The following PCNX1 variants were observed in gnomAD, a reference collection of about 807,000 sequenced individuals.
The protein encoded by PCNX1 is pecanex-like protein 1.
In PCNX1, 78 loss-of-function variants were observed where a neutral mutation model predicts 242.2. The ratio of observed to expected loss-of-function variants is 0.32; its 90% confidence interval spans 0.27 to 0.39. The LOEUF is 0.39. PCNX1 is among the 10% of genes least tolerant of loss of function. The pLI, the probability that PCNX1 is intolerant of heterozygous loss-of-function variation, is 1.00. For synonymous variants in PCNX1, 1,024 were observed against 1,032.9 expected, an observed-to-expected ratio of 0.99 and a Z score of 0.17; for missense variants, 2,581 against 2,856.5, an observed-to-expected ratio of 0.90 and a Z score of 2.20.
At chr14:70,920,424 G>A (rs1416022370) in intron 1 of PCNX1, among the ~76,000 whole-genome samples, 1 of 152,154 alleles carries the variant, frequency 6.6e-6, no homozygotes, top group Non-Finnish European at 1.5e-5. Flanking sequence ...CTTTGAGGAT[G>A]TATACAATTT....
At chr14:70,962,397 G>A (rs956786485) in intron 3 of PCNX1, 66 bp downstream of exon 3, 55 of 812,304 alleles carry the variant, frequency 6.8e-5, no homozygotes, top group African/African-American at 3.0e-4. Flanking sequence ...CGTTATTCTC[G>A]TGTCTTTAAG....
intron 6 of PCNX1, among the ~76,000 whole-genome samples, chr14:70,980,360 T>C (rs1173310588): frequency 6.6e-6 from 1 of 152,108 alleles, no homozygotes; most frequent in East Asian, 1.9e-4. Context: ...CTTTTGTTTG[T>C]ACTGCTTTTT....
intron 1 of PCNX1, among the ~76,000 whole-genome samples, chr14:70,912,258 AAAAG>A (rs2055949714): frequency 6.6e-6 from 1 of 152,068 alleles, no homozygotes; most frequent in Admixed American, 6.6e-5. Flanking sequence ...AAAAAGAAAA[AAAAG>A]AACGTTAAAA....
chr14:71,017,648 T>C (rs1032850956), intron 11 of PCNX1, among the ~76,000 whole-genome samples: 1 of 152,220 alleles, frequency 6.6e-6, no homozygotes, highest in African/African-American at 2.4e-5. Flanking sequence ...ATTTGATACA[T>C]TGGACTCATC....
At chr14:70,975,622 C>G (rs1370864296) in intron 5 of PCNX1, among the ~76,000 whole-genome samples, 1 of 152,060 alleles carries the variant, frequency 6.6e-6, no homozygotes, top group Non-Finnish European at 1.5e-5. Context: ...GTCTATCCAG[C>G]TATGACAAGA....
At chr14:71,034,610 A>C (rs1378356672) in intron 18 of PCNX1, among the ~76,000 whole-genome samples, 1 of 152,178 alleles carries the variant, frequency 6.6e-6, no homozygotes, top group Non-Finnish European at 1.5e-5. Context: ...TGAAAAATGA[A>C]TTCTGTAAAA....
intron 3 of PCNX1, among the ~76,000 whole-genome samples, chr14:70,962,999 TA>T (rs2058269384): frequency 6.6e-6 from 1 of 152,210 alleles, no homozygotes; most frequent in Non-Finnish European, 1.5e-5. Flanking sequence ...GACCTTTACA[TA>T]ACTATAGGTT....
In PCNX1 at chr14:70,977,393, A is replaced by G. The variant is rs752409682; in HGVS notation, c.1056A>G (p.Pro352=). ...AGDLKINTSQ[P]PTKSGKSKPL... is the part of the protein sequence containing the mutation. ...ACTTGAAAATCAATACTTCTCAGCC[A>G]CCCACAAAAAGTGGGAAGAGCAAAC... Residue 352 remains proline, a synonymous_variant, in exon 6 of 36, where the codon CCA becomes CCG. Transcript: ENST00000304743. 5.0e-6 allele frequency: 8 copies of G among 1,613,962 alleles called. No homozygotes were observed. The highest frequency in any genetic ancestry group is 6.8e-6 in the Non-Finnish European group (8 of 1,180,028).
Position 71,110,111 on chromosome 14 carries a change from A to T in PCNX1, c.*176A>T. On this transcript the variant is annotated 3_prime_UTR_variant, in exon 36 of 36. Transcript: ENST00000304743. ...TTTGCCCTTCACCCTGACTCCTGTC[A>T]CTGTCTCCATCCCCAAATAAAGCTG... 1.5e-6 allele frequency: 1 copy of T among 689,362 alleles called. No individual in the cohort carries two copies. The highest frequency in any genetic ancestry group is 2.6e-6 in the Non-Finnish European group (1 of 379,594). The allele number at this position is 689,362 out of a possible 1,614,324, so 42.7% of individuals were successfully genotyped here.
intron 5 of PCNX1, among the ~76,000 whole-genome samples, chr14:70,976,202 T>C (rs2058680891): frequency 6.6e-6 from 1 of 152,174 alleles, no homozygotes; most frequent in African/African-American, 2.4e-5. Flanking sequence ...TTAACTCAGT[T>C]ATTCCTTGCC....
chr14:70,912,471 C>T (rs1455537354), intron 1 of PCNX1, among the ~76,000 whole-genome samples: 1 of 152,076 alleles, frequency 6.6e-6, no homozygotes, highest in African/African-American at 2.4e-5. Context: ...CCAGCTGCTA[C>T]TCAACGTACC....
intron 5 of PCNX1, among the ~76,000 whole-genome samples, chr14:70,970,860 A>G (rs942205376): frequency 9.2e-5 from 14 of 152,198 alleles, no homozygotes; most frequent in Non-Finnish European, 1.0e-4. Context: ...ATTTGGCTTC[A>G]TGGGACTTAG....
chr14:70,978,454 G>C lies in PCNX1; in HGVS notation c.2117G>C (p.Arg706Thr). 6.2e-7 allele frequency: 1 copy of C among 1,614,084 alleles called. No individual in the cohort carries two copies. Among genetic ancestry groups the C allele is most frequent in the East Asian group, 2.2e-5 (1 of 44,878 alleles). ...GTAGCATGTTTGAATGACTCAAACAGGTTAATGGCACCTGAAAGTATAAAG... is the reference window on the plus strand; with the variant it reads ...GTAGCATGTTTGAATGACTCAAACACGTTAATGGCACCTGAAAGTATAAAG... ...GTVACLNDSN[R>T]LMAPESIKPL... Residue 706 changes from arginine to threonine, a missense_variant, in exon 6 of 36, where the codon AGG becomes ACG. Arg to Thr is a moderately conservative substitution (Grantham distance 71). Transcript: ENST00000304743.
rs1231598366 is a variant in PCNX1, at chr14:71,112,802, C to T, written c.*2867C>T. The T allele has an allele frequency of 1.3e-5, 2 of 151,894 alleles. No individual in the cohort carries two copies. Among genetic ancestry groups the T allele is most frequent in the African/African-American group, 4.8e-5 (2 of 41,374 alleles). 9.4% of individuals were successfully genotyped at this position (151,894 alleles called of 1,614,324 possible). On this transcript the variant is annotated 3_prime_UTR_variant, in exon 36 of 36. Coordinates refer to ENST00000304743, the MANE Select transcript of PCNX1 (RefSeq NM_014982.3). ...AAATACTAGCTTTTTTATTCATTTCCTTTTGGTGGAGTTGTATGATTGAAA... is the reference window on the plus strand; with the variant it reads ...AAATACTAGCTTTTTTATTCATTTCTTTTTGGTGGAGTTGTATGATTGAAA...
intron 29 of PCNX1, 140 bp from the exon 30 acceptor site, chr14:71,089,052 T>C (rs961483580): frequency 3.3e-6 from 2 of 608,516 alleles, no homozygotes; most frequent in African/African-American, 3.7e-5. Flanking sequence ...GTGATTCTGG[T>C]TCAGGGTTCT....
intron 28 of PCNX1, among the ~76,000 whole-genome samples, chr14:71,078,202 A>G (rs1249424036): frequency 6.6e-6 from 1 of 152,194 alleles, no homozygotes; most frequent in Non-Finnish European, 1.5e-5. Flanking sequence ...TAGTCTTCCC[A>G]TCTGCTCTAG....
chr14:71,099,624 C>A (rs1010469910), intron 30 of PCNX1, among the ~76,000 whole-genome samples: 1 of 152,130 alleles, frequency 6.6e-6, no homozygotes, highest in Admixed American at 6.5e-5. Context: ...AACTTAAGTC[C>A]AGAGTTTCTT....
intron 11 of PCNX1, among the ~76,000 whole-genome samples, chr14:71,016,162 A>G (rs1163978814): frequency 1.3e-5 from 2 of 152,256 alleles, no homozygotes; most frequent in Non-Finnish European, 2.9e-5. Flanking sequence ...CCAAGGATAA[A>G]GAAGCCCATT....
chr14:71,110,671 G>C lies in PCNX1; in HGVS notation c.*736G>C, dbSNP rs1228208331. The C allele has an allele frequency of 1.3e-5, 2 of 152,224 alleles. No individual in the cohort carries two copies. Among genetic ancestry groups the C allele is most frequent in the African/African-American group, 4.8e-5 (2 of 41,426 alleles). The allele number at this position is 152,224 out of a possible 1,614,324, so 9.4% of individuals were successfully genotyped here. A position where few individuals can be genotyped will look rare whatever the true frequency, so the allele number is the denominator to read the frequency against. On this transcript the variant is annotated 3_prime_UTR_variant, in exon 36 of 36. Coordinates refer to ENST00000304743, the MANE Select transcript of PCNX1 (RefSeq NM_014982.3). ...GTTAGTAGTGTGTACTTCATGCCAG[G>C]ACATTGGGTATTTTCTTTAAAGTGA...
Sources: allele counts gnomAD v4.1 joint callset (sites outside exome capture counted in the v4.1 genomes callset), GRCh38; gene constraint gnomAD v4.1.1; transcripts MANE v1.5; gene names NCBI Gene and HGNC (gene_info 2026-07-23, HGNC 2026-07-21).